The following DLG1 variants were observed in gnomAD, a reference collection of about 807,000 sequenced individuals.
The protein encoded by DLG1 is disks large homolog 1.
In DLG1, 42 loss-of-function variants were observed where a neutral mutation model predicts 123.4. That is an observed-to-expected ratio of 0.34 (90% CI 0.27 to 0.44). The LOEUF is 0.44. Ranked by LOEUF, DLG1 falls within the 20% of genes least tolerant of loss-of-function variation. The pLI is 1.00. For missense variants in DLG1, 942 were observed against 1,082.6 expected (o/e 0.87, Z 1.82); for synonymous variants, 317 against 356.2 (o/e 0.89, Z 1.24).
chr3:197,084,471 C>T (rs1753058368), intron 16 of DLG1, among the ~76,000 whole-genome samples: 1 of 151,840 alleles, frequency 6.6e-6, no homozygotes, highest in Admixed American at 6.6e-5. Context: ...GCCACCACAC[C>T]CAGCTAATGT....
chr3:197,164,518 TA>T (rs1464867025), intron 5 of DLG1, among the ~76,000 whole-genome samples: 27 of 152,252 alleles, frequency 1.8e-4, no homozygotes, highest in African/African-American at 6.3e-4. Flanking sequence ...GGTTTTAAGA[TA>T]GTCTTTTGAA....
chr3:197,259,374 CT>C (rs1758321200), intron 4 of DLG1, among the ~76,000 whole-genome samples: 1 of 152,152 alleles, frequency 6.6e-6, no homozygotes, highest in Non-Finnish European at 1.5e-5. Context: ...GAAAAGAAAA[CT>C]AATTTCCATC....
chr3:197,201,270 G>A (rs1221205311), intron 4 of DLG1, among the ~76,000 whole-genome samples: 2 of 152,188 alleles, frequency 1.3e-5, no homozygotes, highest in East Asian at 3.9e-4. Flanking sequence ...TGTAGTCCCA[G>A]CTACTCGGGA....
Position 197,133,218 on chromosome 3 carries a change from G to A in DLG1, c.1021-2547C>T, listed in dbSNP as rs143750089. On this transcript the variant is annotated intron_variant, in intron 10 of 24. Transcript: ENST00000667157. The stretch of plus-strand genomic sequence containing the variant: ...GAAGATTGATAAAAACAATGTACCA[G>A]TGCTTGTCTTCTTTGGAAAGCTTAC... Among the ~76,000 whole-genome samples the A allele has an allele frequency of 1.1e-4, 17 of 152,336 alleles. No homozygotes were observed. In the East Asian group the frequency reaches 3.3e-3, roughly 29 times the overall value.
chr3:197,298,039 G>C (rs1384279052), intron 1 of DLG1: 16 of 605,116 alleles, frequency 2.6e-5, no homozygotes, highest in Non-Finnish European at 3.3e-5. Flanking sequence ...CGCTCGCCCA[G>C]TTGCTGCCGC....
At chr3:197,278,277 T>C (rs1175338141) in intron 4 of DLG1, among the ~76,000 whole-genome samples, 5 of 93,900 alleles carry the variant, frequency 5.3e-5, no homozygotes, top group African/African-American at 1.3e-4. Flanking sequence ...AGCAAGACTC[T>C]GTCCCAAAAA....
chr3:197,219,599 A>G (rs1735887812), intron 4 of DLG1, among the ~76,000 whole-genome samples: 1 of 152,198 alleles, frequency 6.6e-6, no homozygotes, highest in Admixed American at 6.5e-5. Context: ...CCTAACTTCT[A>G]GTACCTCAGA....
intron 4 of DLG1, among the ~76,000 whole-genome samples, chr3:197,225,032 C>G (rs1437641203): frequency 6.6e-6 from 1 of 152,232 alleles, no homozygotes; most frequent in African/African-American, 2.4e-5. Context: ...TCTTGGCTCA[C>G]TGCAAGCTCC....
intron 22 of DLG1, among the ~76,000 whole-genome samples, chr3:197,064,267 C>G (rs1737962072): frequency 6.6e-6 from 1 of 151,074 alleles, no homozygotes; most frequent in Non-Finnish European, 1.5e-5. Context: ...GACCTCGGCT[C>G]ACTGCAACCT....
chr3:197,291,300 T>TACACACACACACACACAC (rs33920543), intron 3 of DLG1, among the ~76,000 whole-genome samples: 5 of 143,186 alleles, frequency 3.5e-5, no homozygotes, highest in African/African-American at 5.2e-5. Flanking sequence ...CCTACAAAGT[T>TACACACACACACACACAC]ACACACACAC....
At chr3:197,235,887 G>A (rs991215037) in intron 4 of DLG1, among the ~76,000 whole-genome samples, 3 of 151,896 alleles carry the variant, frequency 2.0e-5, no homozygotes, top group Admixed American at 2.0e-4. Flanking sequence ...GTATGCTCAA[G>A]GACTTAAAGG....
chr3:197,052,369 C>T (rs930860418), intron 23 of DLG1, among the ~76,000 whole-genome samples: 4 of 151,976 alleles, frequency 2.6e-5, no homozygotes, highest in Admixed American at 1.3e-4. Flanking sequence ...GCAGGAGAAT[C>T]GCTTGAACCC....
At chr3:197,100,554 GA>G (rs1172427010) in intron 14 of DLG1, among the ~76,000 whole-genome samples, 3 of 151,976 alleles carry the variant, frequency 2.0e-5, no homozygotes, top group African/African-American at 7.3e-5. Flanking sequence ...AATGCTTTCT[GA>G]ACAAAAGATT....
intron 24 of DLG1, among the ~76,000 whole-genome samples, chr3:197,048,550 G>A (rs1355696468): frequency 1.3e-5 from 2 of 152,202 alleles, no homozygotes; most frequent in Non-Finnish European, 2.9e-5. Context: ...GAGATAACAA[G>A]TAGGCAATGG....
intron 4 of DLG1, among the ~76,000 whole-genome samples, chr3:197,265,974 C>T (rs1413369656): frequency 1.3e-5 from 2 of 152,128 alleles, no homozygotes; most frequent in Non-Finnish European, 2.9e-5. Context: ...CACTTGAACC[C>T]AGGAAGCGGA....
intron 14 of DLG1, among the ~76,000 whole-genome samples, chr3:197,103,555 G>A (rs1019492211): frequency 4.6e-5 from 7 of 151,456 alleles, no homozygotes; most frequent in South Asian, 2.1e-4. Context: ...GACTTCATAC[G>A]TTAGTCTCTA....
At chr3:197,141,389 T>A (rs1482581841) in intron 7 of DLG1, among the ~76,000 whole-genome samples, 1 of 149,232 alleles carries the variant, frequency 6.7e-6, no homozygotes, top group African/African-American at 2.5e-5. Context: ...TATAAAAAGT[T>A]AGGAGACATC....
intron 23 of DLG1, among the ~76,000 whole-genome samples, chr3:197,058,266 C>T (rs933949844): frequency 1.3e-5 from 2 of 152,172 alleles, no homozygotes; most frequent in Admixed American, 6.5e-5. Context: ...AGGGGCCGGC[C>T]GTTGTGCCCC....
intron 4 of DLG1, among the ~76,000 whole-genome samples, chr3:197,214,324 G>A (rs1029546577): frequency 3.3e-5 from 5 of 152,062 alleles, no homozygotes; most frequent in African/African-American, 9.7e-5. Flanking sequence ...GGCCAGGCGC[G>A]GTGGCTTTGG....
Sources: allele counts gnomAD v4.1 joint callset (sites outside exome capture counted in the v4.1 genomes callset), GRCh38; gene constraint gnomAD v4.1.1; transcripts MANE v1.5; gene names NCBI Gene and HGNC (gene_info 2026-07-23, HGNC 2026-07-21).